The following CADM2 variants were observed in gnomAD, a reference collection of about 807,000 sequenced individuals.
CADM2 encodes cell adhesion molecule 2, also known as immunoglobulin superfamily member 4D.
Under a neutral mutation model 49.8 loss-of-function variants are expected in CADM2, and 12 were observed. The ratio of observed to expected loss-of-function variants is 0.24; its 90% CI spans 0.15 to 0.39. CADM2 has a LOEUF of 0.39. CADM2 is among the 10% of genes least tolerant of loss of function. CADM2 has a pLI of 1.00. For synonymous variants in CADM2, 214 were observed against 175.4 expected (o/e 1.22, Z -1.74); for missense variants, 378 against 492.3 (o/e 0.77, Z 2.20).
At position 85,745,581 on chromosome 3, in the gene CADM2, G is replaced by A. The variant is rs576985532; in HGVS notation, c.88+19033G>A. Among the ~76,000 whole-genome samples, 7 of 152,240 alleles carry A rather than the reference G, an allele frequency of 4.6e-5. No individual in the cohort carries two copies. The East Asian group carries it at 9.7e-4, about 21-fold the overall frequency. On this transcript the variant is annotated intron_variant, in intron 2 of 9. Transcript: ENST00000383699. ...TGTAACTTTATATAAAGAGTGTTAC[G>A]TGGGCTGGGTGTGGTGGCTCACGCC... is the stretch of plus-strand genomic sequence containing the variant.
chr3:85,197,247 A>G (rs2041365413), intron 1 of CADM2, among the ~76,000 whole-genome samples: 2 of 152,062 alleles, frequency 1.3e-5, no homozygotes, highest in South Asian at 4.1e-4. Context: ...AGGTAGAGAA[A>G]AAAAAACACA....
At chr3:85,869,407 A>G (rs2075836360) in intron 3 of CADM2, among the ~76,000 whole-genome samples, 1 of 152,156 alleles carries the variant, frequency 6.6e-6, no homozygotes, top group African/African-American at 2.4e-5. Flanking sequence ...GACAGGAGAC[A>G]TTAATATTAC....
At chr3:85,731,683 A>G (rs1355527856) in intron 2 of CADM2, among the ~76,000 whole-genome samples, 1 of 152,144 alleles carries the variant, frequency 6.6e-6, no homozygotes, top group African/African-American at 2.4e-5. Flanking sequence ...CACATACAGT[A>G]TAAGATGTGA....
intron 1 of CADM2, among the ~76,000 whole-genome samples, chr3:85,295,103 A>G (rs2043920183): frequency 6.6e-6 from 1 of 152,196 alleles, no homozygotes; most frequent in Non-Finnish European, 1.5e-5. Context: ...AGAAAAAAAC[A>G]AACAACCCCA....
chr3:85,656,434 G>A (rs1379162928), intron 1 of CADM2, among the ~76,000 whole-genome samples: 2 of 152,150 alleles, frequency 1.3e-5, no homozygotes, highest in African/African-American at 2.4e-5. Context: ...GGCCAACATG[G>A]TGAAAACCCA....
intron 1 of CADM2, among the ~76,000 whole-genome samples, chr3:85,170,451 G>A (rs914791496): frequency 1.7e-4 from 25 of 151,062 alleles, no homozygotes; most frequent in African/African-American, 5.4e-4. Context: ...CGATTCTTCT[G>A]CCTCAATCTC....
intron 1 of CADM2, among the ~76,000 whole-genome samples, chr3:85,333,195 A>G (rs903613899): frequency 4.0e-5 from 6 of 151,756 alleles, no homozygotes; most frequent in Non-Finnish European, 8.9e-5. Flanking sequence ...AAAAGAATGA[A>G]TGGATAACTG....
At chr3:86,001,401 T>G (rs934939192) in intron 8 of CADM2, among the ~76,000 whole-genome samples, 2 of 152,066 alleles carry the variant, frequency 1.3e-5, no homozygotes, top group African/African-American at 4.8e-5. Flanking sequence ...TAACTGAGGT[T>G]AGAAACCACG....
intron 1 of CADM2, among the ~76,000 whole-genome samples, chr3:84,988,963 C>A (rs890519587): frequency 6.6e-6 from 1 of 152,022 alleles, no homozygotes; most frequent in African/African-American, 2.4e-5. Context: ...TGTTCTAGAT[C>A]TAATTCTAGG....
chr3:85,621,514 G>A (rs1346899667), intron 1 of CADM2, among the ~76,000 whole-genome samples: 1 of 152,020 alleles, frequency 6.6e-6, no homozygotes, highest in Non-Finnish European at 1.5e-5. Flanking sequence ...ACATATAATA[G>A]AAAATAATTT....
At chr3:85,656,113 G>A (rs1407741668) in intron 1 of CADM2, among the ~76,000 whole-genome samples, 2 of 151,680 alleles carry the variant, frequency 1.3e-5, no homozygotes, top group African/African-American at 2.4e-5. Context: ...TCAGGTAAAA[G>A]TTACATGTTT....
At chr3:85,340,246 G>A (rs2045203468) in intron 1 of CADM2, among the ~76,000 whole-genome samples, 1 of 151,354 alleles carries the variant, frequency 6.6e-6, no homozygotes, top group Admixed American at 6.6e-5. Context: ...AAATTGATTT[G>A]GCTAGAACTC....
At chr3:86,013,824 G>T (rs1448257784) in intron 8 of CADM2, 5 of 1,590,572 alleles carry the variant, frequency 3.1e-6, no homozygotes, top group Non-Finnish European at 4.3e-6. Flanking sequence ...TCGTGGTCAG[G>T]CTTACATTGT....
At chr3:85,489,810 A>T (rs1483173148) in intron 1 of CADM2, among the ~76,000 whole-genome samples, 10 of 149,788 alleles carry the variant, frequency 6.7e-5, no homozygotes, top group Non-Finnish European at 1.2e-4. Flanking sequence ...TGTGTGTGAG[A>T]GAGAGAGAGA....
At chr3:85,594,811 T>C (rs1470608429) in intron 1 of CADM2, among the ~76,000 whole-genome samples, 1 of 152,062 alleles carries the variant, frequency 6.6e-6, no homozygotes, top group African/African-American at 2.4e-5. Flanking sequence ...TCTGTTGTAT[T>C]TGAAATATTA....
intron 1 of CADM2, among the ~76,000 whole-genome samples, chr3:85,528,838 A>G (rs1188751749): frequency 6.6e-6 from 1 of 152,220 alleles, no homozygotes. Context: ...ATCTTCTCTC[A>G]GAAAAAATCA....
At chr3:85,496,083 G>T (rs1033424032) in intron 1 of CADM2, among the ~76,000 whole-genome samples, 2 of 152,024 alleles carry the variant, frequency 1.3e-5, no homozygotes, top group Admixed American at 6.5e-5. Context: ...AGGGGTACAC[G>T]TTCAGGTTTG....
At chr3:85,138,808 C>T (rs2039493675) in intron 1 of CADM2, among the ~76,000 whole-genome samples, 1 of 152,080 alleles carries the variant, frequency 6.6e-6, no homozygotes, top group South Asian at 2.1e-4. Context: ...TGTCATTTTG[C>T]CCAACACGTT....
intron 8 of CADM2, among the ~76,000 whole-genome samples, chr3:85,983,314 A>G (rs1423873918): frequency 1.3e-5 from 2 of 151,752 alleles, no homozygotes; most frequent in Admixed American, 1.3e-4. Context: ...TATTACAAAT[A>G]AGGATGTTAA....
Sources: gnomAD v4.1 joint callset for allele counts (sites outside exome capture counted in the v4.1 genomes callset) on GRCh38, gnomAD v4.1.1 for gene constraint, MANE v1.5 for transcripts, NCBI Gene and HGNC (gene_info 2026-07-23, HGNC 2026-07-21) for gene names.